DOCK9: variants seen among roughly 807,000 people sequenced by gnomAD.
DOCK9 encodes the protein dedicator of cytokinesis protein 9.
DOCK9 carries 89 observed loss-of-function variants against 263.3 expected under a neutral mutation model. The observed-to-expected ratio is 0.34, with a 90% CI of 0.28 to 0.40. The LOEUF (loss-of-function observed/expected upper bound fraction) is 0.40, where lower values mean the gene tolerates loss of function less well. DOCK9 is among the 10% of genes least tolerant of loss of function. The pLI is 1.00. For missense variants in DOCK9, 2,140 were observed against 2,603.4 expected (o/e 0.82, Z 3.87); for synonymous variants, 976 against 973.1 (o/e 1.00, Z -0.06).
At chr13:98,796,262 A>C (rs1243140055) in intron 52 of DOCK9, 7 of 1,525,444 alleles carry the variant, frequency 4.6e-6, no homozygotes, top group Non-Finnish European at 6.3e-6. Flanking sequence ...GTTAAAGCTC[A>C]CACACTGACG....
At chr13:98,872,883 T>C (rs1224411469) in intron 27 of DOCK9, among the ~76,000 whole-genome samples, 2 of 152,222 alleles carry the variant, frequency 1.3e-5, no homozygotes, top group African/African-American at 4.8e-5. Flanking sequence ...CTGTGGAATC[T>C]ACAGCTGCAT....
intron 1 of DOCK9, among the ~76,000 whole-genome samples, chr13:99,082,981 G>A (rs895800904): frequency 1.3e-5 from 2 of 152,170 alleles, no homozygotes; most frequent in East Asian, 1.9e-4. Flanking sequence ...CTGTCTGGGT[G>A]TGGTGGTTCA....
At chr13:99,011,722 A>T (rs1266940426) in intron 1 of DOCK9, among the ~76,000 whole-genome samples, 1 of 147,122 alleles carries the variant, frequency 6.8e-6, no homozygotes, top group African/African-American at 2.4e-5. Flanking sequence ...ACTGAGGAAC[A>T]GAGTGGTTAA....
chr13:99,030,891 T>C (rs1353667186), intron 1 of DOCK9, among the ~76,000 whole-genome samples: 1 of 152,244 alleles, frequency 6.6e-6, no homozygotes, highest in African/African-American at 2.4e-5. Context: ...AATTCTTTCT[T>C]TTTAATGACT....
At chr13:98,980,740 T>G (rs1876994656), upstream of DOCK9, among the ~76,000 whole-genome samples, 1 of 152,224 alleles carries the variant, frequency 6.6e-6, no homozygotes, top group Non-Finnish European at 1.5e-5. Context: ...CGTGTTGCTA[T>G]CACACATTAC....
intron 1 of DOCK9, among the ~76,000 whole-genome samples, chr13:99,033,474 A>G (rs1304195883): frequency 6.6e-6 from 1 of 152,212 alleles, no homozygotes; most frequent in African/African-American, 2.4e-5. Context: ...AAGGCAAATG[A>G]ACTAATGCCG....
chr13:98,968,017 T>C (rs1337621617), intron 1 of DOCK9, among the ~76,000 whole-genome samples: 1 of 151,814 alleles, frequency 6.6e-6, no homozygotes, highest in African/African-American at 2.4e-5. Flanking sequence ...GCCCCCAAAA[T>C]GACAGCTTTT....
intron 27 of DOCK9, among the ~76,000 whole-genome samples, chr13:98,877,221 G>T (rs1426212289): frequency 6.6e-6 from 1 of 152,198 alleles, no homozygotes; most frequent in Non-Finnish European, 1.5e-5. Context: ...CACAGTCTAT[G>T]CTTCTGTCTC....
chr13:99,085,214 C>T (rs1362007213), intron 1 of DOCK9, among the ~76,000 whole-genome samples: 1 of 147,536 alleles, frequency 6.8e-6, no homozygotes, highest in Non-Finnish European at 1.5e-5. Context: ...CCCCGACAAT[C>T]CCCCACAGGG....
At chr13:98,840,149 T>G (rs2093157356) in intron 38 of DOCK9, among the ~76,000 whole-genome samples, 1 of 152,220 alleles carries the variant, frequency 6.6e-6, no homozygotes, top group Non-Finnish European at 1.5e-5. Flanking sequence ...ATCACCATGG[T>G]ATAGACCAAC....
chr13:98,912,278 T>C (rs1267229812), intron 9 of DOCK9, among the ~76,000 whole-genome samples: 1 of 152,186 alleles, frequency 6.6e-6, no homozygotes, highest in African/African-American at 2.4e-5. Context: ...TCAAAACTAA[T>C]CTACGGTGAT....
chr13:98,845,461 G>T (rs1182535314), intron 38 of DOCK9: 2 of 893,948 alleles, frequency 2.2e-6, no homozygotes, highest in Admixed American at 3.2e-5. Flanking sequence ...TCACAGTAGT[G>T]CAAGGATTAA....
At chr13:98,929,311 G>C (rs148516524) in intron 3 of DOCK9, among the ~76,000 whole-genome samples, 5,239 of 152,304 alleles carry the variant, frequency 0.034, 291 homozygotes, top group African/African-American at 0.12. Context: ...GGGAGGCCAA[G>C]GCGGGCAGAT....
At chr13:99,043,611 AC>A (rs1888682784) in intron 1 of DOCK9, among the ~76,000 whole-genome samples, 1 of 152,016 alleles carries the variant, frequency 6.6e-6, no homozygotes. Context: ...CACAAACAGG[AC>A]CCAAGACACA....
chr13:98,868,471 C>T, intron 27 of DOCK9, 94 bp from the exon 28 acceptor site: 2 of 1,394,154 alleles, frequency 1.4e-6, no homozygotes, highest in South Asian at 1.4e-5. Context: ...CTTAAAAAAC[C>T]CAGAGTTTCT....
At position 98,952,447 on chromosome 13, in the gene DOCK9, G is replaced by T. The variant is rs368825128; in HGVS notation, c.243+2988C>A. ...AGATGGGGTTTCACCATATTGGCCA[G>T]GCTGGTCTCAAACTCCTGACCTTGT... On this transcript the variant is annotated intron_variant, in intron 2 of 52. Transcript: ENST00000682017. Among the ~76,000 whole-genome samples the T allele has an allele frequency of 3.2e-3, 483 of 152,144 alleles. 10 individuals are homozygous for T. In the South Asian group the frequency reaches 0.047, roughly 15 times the overall value.
Position 98,844,490 on chromosome 13 carries a change from G to C in DOCK9, c.4198+1434C>G, listed in dbSNP as rs143246047. On this transcript the variant is annotated intron_variant, in intron 38 of 52. Coordinates refer to ENST00000682017, the MANE Select transcript of DOCK9 (RefSeq NM_001366683.2). ...GTGATTTCATGTCTCAGCCTCCCCA[G>C]TAGCTGGGATTACATGTGTGTGCCA... Among the ~76,000 whole-genome samples the C allele has an allele frequency of 3.3e-3, 502 of 152,224 alleles. 3 individuals are homozygous for C. The highest frequency in any genetic ancestry group is 0.011 in the African/African-American group (473 of 41,542).
At chr13:98,952,329 G>C (rs1755081290) in intron 2 of DOCK9, among the ~76,000 whole-genome samples, 1 of 150,856 alleles carries the variant, frequency 6.6e-6, no homozygotes, top group Non-Finnish European at 1.5e-5. Flanking sequence ...TCTGTCTCCT[G>C]GTTTCAAGAG....
At chr13:98,892,992 T>C (rs2046858438) in intron 15 of DOCK9, among the ~76,000 whole-genome samples, 1 of 152,050 alleles carries the variant, frequency 6.6e-6, no homozygotes, top group South Asian at 2.1e-4. Context: ...CTTTGAAAGA[T>C]GAGTAGAGTT....
Sources: allele counts gnomAD v4.1 joint callset (sites outside exome capture counted in the v4.1 genomes callset), GRCh38; gene constraint gnomAD v4.1.1; transcripts MANE v1.5; gene names NCBI Gene and HGNC (gene_info 2026-07-23, HGNC 2026-07-21).